The following SLC14A2 variants were observed in gnomAD, a reference collection of about 807,000 sequenced individuals.
SLC14A2 encodes the protein urea transporter 2.
SLC14A2 carries 91 observed loss-of-function variants against 104.6 expected under a neutral mutation model. The observed-to-expected ratio is 0.87, with a 90% confidence interval of 0.73 to 1.04. The LOEUF (loss-of-function observed/expected upper bound fraction) is 1.04. Ranked by LOEUF, SLC14A2 falls within the 50% of genes least tolerant of loss-of-function variation. The pLI is 0.00. For synonymous variants in SLC14A2, 476 were observed against 466.4 expected, an observed-to-expected ratio of 1.02 and a Z score of -0.27; for missense variants, 1,189 against 1,156.0, an observed-to-expected ratio of 1.03 and a Z score of -0.41.
chr18:45,316,115 T>C (rs972138539), intron 1 of SLC14A2, among the ~76,000 whole-genome samples: 4 of 152,112 alleles, frequency 2.6e-5, no homozygotes, highest in Admixed American at 1.3e-4. Flanking sequence ...CCCTCCCGGC[T>C]TGGGGAGCTG....
At chr18:45,459,214 G>A (rs141461721) in intron 1 of SLC14A2, among the ~76,000 whole-genome samples, 17 of 152,278 alleles carry the variant, frequency 1.1e-4, no homozygotes, top group East Asian at 7.7e-4. Flanking sequence ...CTTTCCAAGC[G>A]CTAAGCAAAT....
intron 1 of SLC14A2, among the ~76,000 whole-genome samples, chr18:45,467,895 G>A (rs372467504): frequency 5.9e-5 from 9 of 152,202 alleles, no homozygotes; most frequent in African/African-American, 2.2e-4. Flanking sequence ...TAAAGACAGT[G>A]TGGGAGGTAT....
At chr18:45,376,915 C>G (rs1382949111) in intron 1 of SLC14A2, among the ~76,000 whole-genome samples, 1 of 152,208 alleles carries the variant, frequency 6.6e-6, no homozygotes, top group Non-Finnish European at 1.5e-5. Flanking sequence ...CTACCCATTT[C>G]TTCCTAAAAA....
At chr18:45,681,523 T>C (rs901621416) in intron 19 of SLC14A2, among the ~76,000 whole-genome samples, 1 of 152,122 alleles carries the variant, frequency 6.6e-6, no homozygotes, top group African/African-American at 2.4e-5. Flanking sequence ...TTAGAGCATC[T>C]CAAGAAATAA....
chr18:45,311,771 G>A (rs1004817887), intron 1 of SLC14A2, among the ~76,000 whole-genome samples: 2 of 152,214 alleles, frequency 1.3e-5, no homozygotes, highest in Non-Finnish European at 2.9e-5. Context: ...GAGAAAGGGG[G>A]TGTTGGAACC....
At chr18:45,453,450 A>T (rs2086889219) in intron 1 of SLC14A2, among the ~76,000 whole-genome samples, 2 of 152,234 alleles carry the variant, frequency 1.3e-5, no homozygotes. Context: ...AAAATTTATG[A>T]TAAGCAAAGT....
intron 1 of SLC14A2, among the ~76,000 whole-genome samples, chr18:45,232,822 T>A (rs991140813): frequency 1.3e-5 from 2 of 152,232 alleles, no homozygotes; most frequent in African/African-American, 4.8e-5. Flanking sequence ...TAGGCCCATT[T>A]TGAGGCACAT....
chr18:45,382,992 T>G (rs2085855164), intron 1 of SLC14A2, among the ~76,000 whole-genome samples: 2 of 152,192 alleles, frequency 1.3e-5, no homozygotes, highest in Non-Finnish European at 2.9e-5. Flanking sequence ...ATTCTAAGTG[T>G]TGTTCAGTGG....
Position 45,369,781 on chromosome 18 carries a change from G to A in SLC14A2, c.-124-113452G>A, listed in dbSNP as rs187705648. Among the ~76,000 whole-genome samples the A allele has an allele frequency of 2.0e-4, 30 of 152,220 alleles. 1 individual carries two copies. Among genetic ancestry groups the A allele is most frequent in the Admixed American group, 9.8e-4 (15 of 15,288 alleles). On this transcript the variant is annotated intron_variant, in intron 1 of 20. Coordinates refer to the SLC14A2 transcript ENST00000586448. ...CAGTGCTAAGCTCTGAGAATACAAC[G>A]AGAAGCCAAGCAAACATGAGGACTC...
At chr18:45,374,953 G>T (rs1263793406) in intron 1 of SLC14A2, among the ~76,000 whole-genome samples, 1 of 152,146 alleles carries the variant, frequency 6.6e-6, no homozygotes, top group Non-Finnish European at 1.5e-5. Context: ...AGAGACTCTT[G>T]AACGCACATG....
chr18:45,248,133 C>T (rs2084385251), intron 1 of SLC14A2, among the ~76,000 whole-genome samples: 1 of 152,118 alleles, frequency 6.6e-6, no homozygotes, highest in Non-Finnish European at 1.5e-5. Context: ...AAATGCTTAG[C>T]TGGCAAGAGT....
intron 1 of SLC14A2, among the ~76,000 whole-genome samples, chr18:45,472,684 G>T (rs1286148348): frequency 6.6e-6 from 1 of 152,170 alleles, no homozygotes. Flanking sequence ...CTTTTGAGAA[G>T]TGTCTGTCCA....
At chr18:45,271,998 A>C (rs2084656306) in intron 1 of SLC14A2, among the ~76,000 whole-genome samples, 1 of 152,130 alleles carries the variant, frequency 6.6e-6, no homozygotes, top group Non-Finnish European at 1.5e-5. Flanking sequence ...AAATCCATAC[A>C]TGTATAGTAA....
At chr18:45,644,190 T>G in intron 10 of SLC14A2, 30 bp downstream of exon 10, 1 of 1,610,230 alleles carries the variant, frequency 6.2e-7, no homozygotes, top group East Asian at 2.2e-5. Context: ...GAAGAAACGC[T>G]CTTTGCCTGA....
At chr18:45,641,661 C>T (rs2045530423) in intron 8 of SLC14A2, among the ~76,000 whole-genome samples, 1 of 152,214 alleles carries the variant, frequency 6.6e-6, no homozygotes, top group Admixed American at 6.5e-5. Context: ...ACTGTTTATA[C>T]AACACCATCA....
chr18:45,615,893 C>T (rs1317480874), intron 1 of SLC14A2, among the ~76,000 whole-genome samples: 2 of 151,356 alleles, frequency 1.3e-5, no homozygotes, highest in Non-Finnish European at 2.9e-5. Context: ...GTGAAATAGT[C>T]CACCACACAA....
At chr18:45,589,742 T>C (rs1359324798) in intron 2 of SLC14A2, among the ~76,000 whole-genome samples, 2 of 152,200 alleles carry the variant, frequency 1.3e-5, no homozygotes, top group African/African-American at 2.4e-5. Context: ...AAATATGATA[T>C]ACTGTCGTTT....
chr18:45,674,951 A>G (rs1250606810), intron 18 of SLC14A2, among the ~76,000 whole-genome samples: 1 of 152,242 alleles, frequency 6.6e-6, no homozygotes, highest in Non-Finnish European at 1.5e-5. Context: ...AGCCTTGACA[A>G]AGAGGTGAAG....
chr18:45,177,358 C>A, the SLC14A2 span, among the ~76,000 whole-genome samples: 1 of 152,256 alleles, frequency 6.6e-6, no homozygotes, highest in African/African-American at 2.4e-5. Context: ...TGCTTAAAAC[C>A]TGGTTAGCGG....
Sources: gnomAD v4.1 joint callset for allele counts (sites outside exome capture counted in the v4.1 genomes callset) on GRCh38, gnomAD v4.1.1 for gene constraint, MANE v1.5 for transcripts, NCBI Gene and HGNC (gene_info 2026-07-23, HGNC 2026-07-21) for gene names.